Variants in PSEN1 observed in about 807,000 individuals in gnomAD.
PSEN1 encodes presenilin 1, also known as presenilin-1.
A neutral mutation model predicts 53.5 loss-of-function variants in PSEN1; 15 were observed. That is an observed-to-expected ratio of 0.28 (90% CI 0.19 to 0.43). The LOEUF (loss-of-function observed/expected upper bound fraction) is 0.43, where lower values mean the gene tolerates loss of function less well. Ranked by LOEUF, PSEN1 falls within the 20% of genes least tolerant of loss-of-function variation. PSEN1 has a pLI of 1.00. For missense variants in PSEN1, 387 were observed against 571.2 expected (o/e 0.68, Z 3.29); for synonymous variants, 208 against 209.8 (o/e 0.99, Z 0.08).
chr14:73,144,287 A>G (rs933762252), intron 1 of PSEN1, among the ~76,000 whole-genome samples: 1 of 152,110 alleles, frequency 6.6e-6, no homozygotes, highest in Admixed American at 6.5e-5. Flanking sequence ...TGATCTGCCC[A>G]CCTTGGCCTC....
rs142346467 is a variant in PSEN1, at chr14:73,187,984, A to G, written c.548+1064A>G. 2.5e-3 allele frequency among the ~76,000 whole-genome samples: 385 copies of G among 152,086 alleles called. 3 individuals carry two copies. Among genetic ancestry groups the G allele is most frequent in the Middle Eastern group, 0.017 (5 of 294 alleles). The stretch of plus-strand genomic sequence containing the variant: ...CACGCTGTTGCCCAGGCTGGAGTGC[A>G]GTGGCATGATCTCGGCTCACTGCAA... On this transcript the variant is annotated intron_variant, in intron 6 of 11. Coordinates refer to ENST00000324501, the MANE Select transcript of PSEN1 (RefSeq NM_000021.4).
At chr14:73,153,953 A>G (rs1328929409) in intron 3 of PSEN1, among the ~76,000 whole-genome samples, 1 of 152,046 alleles carries the variant, frequency 6.6e-6, no homozygotes, top group Non-Finnish European at 1.5e-5. Flanking sequence ...ACCTCAAGTG[A>G]TCTGACCACC....
At chr14:73,147,945 C>T in intron 2 of PSEN1, 22 bp from the exon 3 acceptor site, 1 of 1,141,870 alleles carries the variant, frequency 8.8e-7, no homozygotes, top group Non-Finnish European at 1.3e-6. Flanking sequence ...GCACAAAGTT[C>T]TGTTTTTCTT....
chr14:73,210,549 C>T (rs530439259), intron 9 of PSEN1, among the ~76,000 whole-genome samples: 121 of 152,090 alleles, frequency 8.0e-4, no homozygotes, highest in Middle Eastern at 6.8e-3. Flanking sequence ...AAAGGGATGG[C>T]TAAAAGAGTT....
intron 3 of PSEN1, among the ~76,000 whole-genome samples, chr14:73,154,479 T>C (rs1017363836): frequency 6.6e-6 from 1 of 151,802 alleles, no homozygotes; most frequent in African/African-American, 2.4e-5. Context: ...TGTGCTTCTA[T>C]GGTCCCAGCT....
At chr14:73,139,157 C>G (rs557236926) in intron 1 of PSEN1, 2 of 151,116 alleles carry the variant, frequency 1.3e-5, no homozygotes, top group East Asian at 3.9e-4. Context: ...GTGCCAGGCA[C>G]TTGTAGTCCC....
At chr14:73,171,374 A>G (rs897031734) in intron 4 of PSEN1, among the ~76,000 whole-genome samples, 2 of 152,126 alleles carry the variant, frequency 1.3e-5, no homozygotes, top group Non-Finnish European at 2.9e-5. Flanking sequence ...TCCTTTTCTA[A>G]CTTTGGTGGA....
rs550871423 is a variant in PSEN1, at chr14:73,176,144, T to G, written c.480+2437T>G. 2.0e-5 allele frequency among the ~76,000 whole-genome samples: 3 copies of G among 152,362 alleles called. No homozygotes were observed. The South Asian group carries it at 6.2e-4, about 32-fold the overall frequency. ...GGCCATCTGTATAATCTATTAGTAATGTATGGAGACCATTAAAGATGACAG... is the reference window on the plus strand; with the variant it reads ...GGCCATCTGTATAATCTATTAGTAAGGTATGGAGACCATTAAAGATGACAG... On this transcript the variant is annotated intron_variant, in intron 5 of 11. Coordinates refer to ENST00000324501, the MANE Select transcript of PSEN1 (RefSeq NM_000021.4).
intron 3 of PSEN1, among the ~76,000 whole-genome samples, chr14:73,167,185 C>G (rs1053968227): frequency 1.3e-5 from 2 of 152,070 alleles, no homozygotes; most frequent in African/African-American, 2.4e-5. Context: ...ATAGACAGAA[C>G]GGCAAGAGAG....
Position 73,162,286 on chromosome 14 carries a change from C to G in PSEN1, c.88-8511C>G, listed in dbSNP as rs79620182. Among the ~76,000 whole-genome samples, 60 of 151,950 alleles carry G rather than the reference C, an allele frequency of 3.9e-4. No individual in the cohort carries two copies. In the East Asian group the frequency reaches 7.6e-3, roughly 19 times the overall value. On this transcript the variant is annotated intron_variant, in intron 3 of 11. Transcript: ENST00000324501. ...AAATTTATGCCAAGATTCCATATTTCTCCCATCAGATTGGTAAAAATCTAA... is the reference window on the plus strand; with the variant it reads ...AAATTTATGCCAAGATTCCATATTTGTCCCATCAGATTGGTAAAAATCTAA...
intron 10 of PSEN1, among the ~76,000 whole-genome samples, chr14:73,212,781 G>A (rs560259805): frequency 2.0e-5 from 3 of 152,196 alleles, no homozygotes; most frequent in Non-Finnish European, 2.9e-5. Context: ...CCTTTGGTTA[G>A]GGCTCAGTCA....
At chr14:73,150,548 G>C (rs1018134416) in intron 3 of PSEN1, among the ~76,000 whole-genome samples, 1 of 151,902 alleles carries the variant, frequency 6.6e-6, no homozygotes, top group Admixed American at 6.6e-5. Context: ...TGGATCACAA[G>C]GTCAGGAGTT....
chr14:73,176,468 C>T (rs1202624323), intron 5 of PSEN1, among the ~76,000 whole-genome samples: 1 of 152,170 alleles, frequency 6.6e-6, no homozygotes, highest in African/African-American at 2.4e-5. Context: ...AATTTACATT[C>T]AGATTTCCTG....
intron 1 of PSEN1, among the ~76,000 whole-genome samples, chr14:73,140,250 G>A (rs754748239): frequency 8.9e-5 from 10 of 112,294 alleles, no homozygotes; most frequent in Non-Finnish European, 1.3e-4. Context: ...TCCCTCTGTC[G>A]CCCAGGCTGG....
intron 8 of PSEN1, among the ~76,000 whole-genome samples, chr14:73,204,090 C>G (rs917907011): frequency 1.3e-5 from 2 of 152,294 alleles, no homozygotes; most frequent in Admixed American, 6.5e-5. Context: ...CCTCCGCCTC[C>G]TGGATTCAAG....
intron 5 of PSEN1, among the ~76,000 whole-genome samples, chr14:73,184,540 G>A (rs1453661295): frequency 1.6e-5 from 2 of 124,106 alleles, no homozygotes; most frequent in South Asian, 2.6e-4. Context: ...CCTCCCTCTC[G>A]GACAGGGCGG....
rs1004169564 is a variant in PSEN1, at chr14:73,150,836, G to A, written c.87+2730G>A. ...TGTAATCCCAACACTTTGGGAGGCCGAGGAGGGCGGATCACGAGGTCAAGA... is the reference window on the plus strand; with the variant it reads ...TGTAATCCCAACACTTTGGGAGGCCAAGGAGGGCGGATCACGAGGTCAAGA... On this transcript the variant is annotated intron_variant, in intron 3 of 11. Coordinates refer to ENST00000324501, the MANE Select transcript of PSEN1 (RefSeq NM_000021.4). Among the ~76,000 whole-genome samples, 35 of 150,234 alleles carry A rather than the reference G, an allele frequency of 2.3e-4. 1 individual carries two copies. Among genetic ancestry groups the A allele is most frequent in the Non-Finnish European group, 7.4e-5 (5 of 67,808 alleles).
chr14:73,148,842 A>T (rs1897141580), intron 3 of PSEN1, among the ~76,000 whole-genome samples: 1 of 152,188 alleles, frequency 6.6e-6, no homozygotes, highest in Non-Finnish European at 1.5e-5. Context: ...CTGAGCCAGG[A>T]GAATCGCTGG....
intron 5 of PSEN1, among the ~76,000 whole-genome samples, chr14:73,184,766 G>C (rs1375402388): frequency 8.5e-6 from 1 of 118,072 alleles, no homozygotes; most frequent in African/African-American, 3.2e-5. Context: ...CCTCCCTCCC[G>C]GACGGGGTGG....
Sources: gnomAD v4.1 joint callset for allele counts (sites outside exome capture counted in the v4.1 genomes callset) on GRCh38, gnomAD v4.1.1 for gene constraint, MANE v1.5 for transcripts, NCBI Gene and HGNC (gene_info 2026-07-23, HGNC 2026-07-21) for gene names.